Variants in NVL observed in about 807,000 individuals in gnomAD.
NVL encodes the protein nuclear VCP like.
In NVL, 84 loss-of-function variants were observed where a neutral mutation model predicts 110.2. The ratio of observed to expected loss-of-function variants is 0.76; its 90% CI spans 0.64 to 0.91. The LOEUF is 0.91. Ranked by LOEUF, NVL falls within the 40% of genes least tolerant of loss-of-function variation. NVL has a pLI of 0.00. For missense variants in NVL, 882 were observed against 1,035.9 expected, an observed-to-expected ratio of 0.85 and a Z score of 2.04; for synonymous variants, 354 against 361.1, an observed-to-expected ratio of 0.98 and a Z score of 0.22.
chr1:224,286,356 C>A (rs1666869196), intron 14 of NVL, among the ~76,000 whole-genome samples: 1 of 152,052 alleles, frequency 6.6e-6, no homozygotes, highest in African/African-American at 2.4e-5. Flanking sequence ...CAGGCACATG[C>A]CACCACGTCT....
chr1:224,290,629 C>T (rs1667276710), intron 12 of NVL, among the ~76,000 whole-genome samples: 1 of 151,974 alleles, frequency 6.6e-6, no homozygotes, highest in South Asian at 2.1e-4. Flanking sequence ...GGTGAAACCC[C>T]GTCTCTACTA....
At chr1:224,245,105 A>G (rs1417077423) in intron 19 of NVL, among the ~76,000 whole-genome samples, 1 of 152,204 alleles carries the variant, frequency 6.6e-6, no homozygotes, top group East Asian at 1.9e-4. Context: ...TCTCCTTATA[A>G]TATTTCAGAT....
chr1:224,237,157 C>G (rs1426418191), intron 19 of NVL, among the ~76,000 whole-genome samples: 1 of 152,170 alleles, frequency 6.6e-6, no homozygotes, highest in Non-Finnish European at 1.5e-5. Context: ...TGAAAACTAG[C>G]ACCTCGATCT....
At chr1:224,287,262 G>T (rs752487131) in intron 14 of NVL, among the ~76,000 whole-genome samples, 33 of 152,114 alleles carry the variant, frequency 2.2e-4, no homozygotes, top group Non-Finnish European at 3.7e-4. Context: ...ACCAGAGGCT[G>T]GGAAGGGAAG....
At chr1:224,293,672 C>G (rs1297477027) in intron 12 of NVL, among the ~76,000 whole-genome samples, 1 of 152,200 alleles carries the variant, frequency 6.6e-6, no homozygotes, top group Non-Finnish European at 1.5e-5. Flanking sequence ...TAGCTCCAGA[C>G]ATTGCCACTA....
intron 4 of NVL, among the ~76,000 whole-genome samples, chr1:224,314,493 A>G (rs1669868702): frequency 1.3e-5 from 2 of 152,260 alleles, no homozygotes; most frequent in Admixed American, 1.3e-4. Flanking sequence ...ATGATTAAAA[A>G]ATACAATTTA....
intron 16 of NVL, among the ~76,000 whole-genome samples, chr1:224,279,294 T>G (rs1164955698): frequency 6.6e-6 from 1 of 152,028 alleles, no homozygotes; most frequent in Non-Finnish European, 1.5e-5. Flanking sequence ...CAACCAAGAA[T>G]AGGTGTAGTC....
chr1:224,250,450 G>C, intron 18 of NVL, 132 bp from the exon 19 acceptor site: 10 of 685,900 alleles, frequency 1.5e-5, no homozygotes, highest in South Asian at 3.0e-5. Flanking sequence ...CTGCAGCCTC[G>C]ACCTCCCAGG....
At chr1:224,244,929 G>A (rs1324781804) in intron 19 of NVL, among the ~76,000 whole-genome samples, 8 of 152,230 alleles carry the variant, frequency 5.3e-5, no homozygotes, top group African/African-American at 1.7e-4. Flanking sequence ...CTCGTGATCC[G>A]CCCGCCTTGG....
At chr1:224,293,500 A>C (rs949345394) in intron 12 of NVL, among the ~76,000 whole-genome samples, 6 of 152,206 alleles carry the variant, frequency 3.9e-5, no homozygotes, top group African/African-American at 1.4e-4. Context: ...CATTTGCTCA[A>C]TTACCAGGAA....
intron 19 of NVL, among the ~76,000 whole-genome samples, chr1:224,244,928 C>T (rs186496436): frequency 1.8e-4 from 27 of 152,242 alleles, no homozygotes; most frequent in African/African-American, 2.2e-4. Flanking sequence ...CCTCGTGATC[C>T]GCCCGCCTTG....
At chr1:224,241,717 G>A (rs1466552476) in intron 19 of NVL, among the ~76,000 whole-genome samples, 1 of 151,986 alleles carries the variant, frequency 6.6e-6, no homozygotes, top group Non-Finnish European at 1.5e-5. Context: ...TTAGCCAGGT[G>A]TGGTGGCAGT....
intron 19 of NVL, among the ~76,000 whole-genome samples, chr1:224,239,684 T>G (rs1010971358): frequency 2.0e-5 from 3 of 152,292 alleles, no homozygotes; most frequent in South Asian, 2.1e-4. Context: ...AATTCTACCC[T>G]TGGGTTAAGC....
At chr1:224,273,474 C>T (rs574676727) in intron 17 of NVL, among the ~76,000 whole-genome samples, 1 of 151,930 alleles carries the variant, frequency 6.6e-6, no homozygotes, top group East Asian at 1.9e-4. Flanking sequence ...TAAGGCTGCT[C>T]TGCCTATGGA....
chr1:224,253,741 AAAAAAAAG>A (rs1192832985), intron 18 of NVL, among the ~76,000 whole-genome samples: 2 of 151,154 alleles, frequency 1.3e-5, no homozygotes, highest in African/African-American at 2.4e-5. Context: ...CAAAAAAAAA[AAAAAAAAG>A]AAAAGAAAAA....
intron 12 of NVL, among the ~76,000 whole-genome samples, chr1:224,290,640 A>C (rs1667277991): frequency 1.3e-5 from 2 of 152,096 alleles, no homozygotes. Flanking sequence ...GTCTCTACTA[A>C]AGATACAAAA....
intron 17 of NVL, among the ~76,000 whole-genome samples, chr1:224,268,859 C>T (rs1390898665): frequency 1.3e-5 from 2 of 151,286 alleles, no homozygotes; most frequent in Non-Finnish European, 2.9e-5. Context: ...GGTTTCACCA[C>T]GTTGGTCAGG....
At chr1:224,303,945 A>T in intron 8 of NVL, 88 bp from the exon 9 acceptor site, 1 of 1,398,698 alleles carries the variant, frequency 7.1e-7, no homozygotes, top group Non-Finnish European at 9.6e-7. Context: ...AGTGAAATGG[A>T]GTAGATAGGT....
chr1:224,273,179 GA>G (rs1234917516), intron 17 of NVL, among the ~76,000 whole-genome samples: 4 of 152,124 alleles, frequency 2.6e-5, no homozygotes, highest in Non-Finnish European at 5.9e-5. Flanking sequence ...TTGGGAGGCC[GA>G]GGATGGTGGA....
Sources: allele counts gnomAD v4.1 joint callset (sites outside exome capture counted in the v4.1 genomes callset), GRCh38; gene constraint gnomAD v4.1.1; transcripts MANE v1.5; gene names NCBI Gene and HGNC (gene_info 2026-07-23, HGNC 2026-07-21).